Variants in POMT2 observed in about 807,000 individuals in gnomAD.
The protein encoded by POMT2 is protein O-mannosyl-transferase 2.
POMT2 carries 75 observed loss-of-function variants against 100.0 expected under a neutral mutation model. That is an observed-to-expected ratio of 0.75 (90% CI 0.62 to 0.91). The LOEUF (loss-of-function observed/expected upper bound fraction) is 0.91. POMT2 is among the 40% of genes least tolerant of loss of function. The probability of loss-of-function intolerance (pLI) is 0.00; values close to 1 mark genes in which losing one functional copy is unlikely to be tolerated. For missense variants in POMT2, 940 were observed against 955.1 expected (o/e 0.98, Z 0.21); for synonymous variants, 378 against 374.1 (o/e 1.01, Z -0.12).
chr14:77,296,795 C>T, intron 8 of POMT2, among the ~76,000 whole-genome samples: 1 of 152,228 alleles, frequency 6.6e-6, no homozygotes, highest in East Asian at 1.9e-4. Context: ...TCCCCTGCTC[C>T]TATAGGCCCT....
rs886042401 is a variant in POMT2, at chr14:77,291,372, G to GGT, written c.1123_1124dup (p.Tyr376ProfsTer23). 4.0e-6 allele frequency: 5 copies of GGT among 1,253,220 alleles called. No individual in the cohort carries two copies. The highest frequency in any genetic ancestry group is 5.4e-6 in the Non-Finnish European group (5 of 929,320). The allele number at this position is 1,253,220 out of a possible 1,614,324, so 77.6% of individuals were successfully genotyped here. A position where few individuals can be genotyped will look rare whatever the true frequency, so the allele number is the denominator to read the frequency against. On this transcript the variant is annotated frameshift_variant, in exon 10 of 21. Coordinates refer to ENST00000261534, the MANE Select transcript of POMT2 (RefSeq NM_013382.7). LOFTEE classifies it high-confidence loss of function. ...GGTTGTTGTAGTCCTTGTGCAAATAGGTGGTGACCTGGGTGGGGGGTGGGG... is the reference window on the plus strand; with the variant it reads ...GGTTGTTGTAGTCCTTGTGCAAATAGGTGTGGTGACCTGGGTGGGGGGTGGGG...
rs139332043 is a variant in POMT2 at position 77,279,753 on chromosome 14, C to G, written c.1891+70G>C. 4.8e-6 allele frequency: 7 copies of G among 1,470,168 alleles called. No individual in the cohort carries two copies. The South Asian group carries it at 6.0e-5, about 13-fold the overall frequency. 91.1% of individuals were successfully genotyped at this position (1,470,168 alleles called of 1,614,324 possible). ...AAAGGATGGCCCATCAGCAGGCAGC[C>G]GGCCCTCCCCAGGGGTGCAGGTGCC... On this transcript the variant is annotated intron_variant, in intron 18 of 20. Coordinates refer to ENST00000261534, the MANE Select transcript of POMT2 (RefSeq NM_013382.7).
chr14:77,320,363 C>T, intron 1 of POMT2, 71 bp downstream of exon 1: 3 of 1,540,288 alleles, frequency 1.9e-6, no homozygotes, highest in Non-Finnish European at 2.6e-6. Flanking sequence ...CCTCCGTACC[C>T]TCGGGCCAAT....
chr14:77,296,325 G>A (rs1890830229), intron 8 of POMT2, 52 bp from the exon 9 acceptor site: 1 of 1,315,942 alleles, frequency 7.6e-7, no homozygotes, highest in South Asian at 1.3e-5. Flanking sequence ...GCCAGAGGCT[G>A]TCCGTGCCTG....
At chr14:77,278,530 T>C in intron 19 of POMT2, 22 bp from the exon 20 acceptor site, 1 of 1,457,186 alleles carries the variant, frequency 6.9e-7, no homozygotes, top group South Asian at 1.2e-5. Flanking sequence ...GAGAGAAACC[T>C]GGAGTCAGCC....
At chr14:77,285,941 A>G (rs1433754304) in intron 12 of POMT2, among the ~76,000 whole-genome samples, 2 of 152,190 alleles carry the variant, frequency 1.3e-5, no homozygotes, top group Non-Finnish European at 1.5e-5. Flanking sequence ...TTGCCCTTCA[A>G]CCAAACTCAA....
intron 9 of POMT2, 126 bp downstream of exon 9, chr14:77,296,038 G>A: frequency 1.2e-6 from 1 of 805,058 alleles, no homozygotes; most frequent in South Asian, 1.5e-5. Flanking sequence ...GAAAACAGAA[G>A]GGTGCAGGGC....
Position 77,277,315 on chromosome 14 carries a change from T to C in POMT2, c.*61A>G. 1.4e-6 allele frequency: 2 copies of C among 1,425,864 alleles called. No individual in the cohort carries two copies. The highest frequency in any genetic ancestry group is 2.0e-6 in the Non-Finnish European group (2 of 1,012,016). The allele number at this position is 1,425,864 out of a possible 1,614,324, so 88.3% of individuals were successfully genotyped here. ...TCCTCATGGCCGGATGGTCCAGTAC[T>C]GCTTCCCAGCTGGCTCTCCTGGGAA... is the stretch of plus-strand genomic sequence containing the variant. On this transcript the variant is annotated 3_prime_UTR_variant, in exon 21 of 21. Transcript: ENST00000261534.
intron 8 of POMT2, 122 bp downstream of exon 8, chr14:77,298,567 T>C: frequency 1.0e-6 from 1 of 1,002,704 alleles, no homozygotes; most frequent in Non-Finnish European, 1.5e-6. Context: ...TCTATCTGGG[T>C]CTTTCTCCCA....
intron 18 of POMT2, 123 bp downstream of exon 18, chr14:77,279,700 A>C: frequency 1.0e-6 from 1 of 964,332 alleles, no homozygotes; most frequent in South Asian, 1.4e-5. Context: ...AAAGCAAAGG[A>C]TAAGGGAAGG....
At chr14:77,319,855 C>G (rs960215720) in intron 1 of POMT2, among the ~76,000 whole-genome samples, 6 of 152,218 alleles carry the variant, frequency 3.9e-5, no homozygotes, top group African/African-American at 7.2e-5. Context: ...AGTCTGTTTT[C>G]TTGCCTGCTT....
At chr14:77,312,089 T>C in intron 1 of POMT2, 56 bp from the exon 2 acceptor site, 7 of 1,595,056 alleles carry the variant, frequency 4.4e-6, no homozygotes, top group Non-Finnish European at 6.0e-6. Context: ...AAAATCCAAA[T>C]GGCCTTCATA....
Position 77,302,540 on chromosome 14 carries a change from T to A in POMT2, c.656+295A>T, listed in dbSNP as rs371713904. ...ACCCCCCATGATATCCCAAAACCCC[T>A]ACCCAATTGTACTCCATTGTAAACA... On this transcript the variant is annotated intron_variant, in intron 5 of 20. Coordinates refer to ENST00000261534, the MANE Select transcript of POMT2 (RefSeq NM_013382.7). Among the ~76,000 whole-genome samples the A allele has an allele frequency of 1.7e-3, 266 of 152,240 alleles. 1 individual carries two copies. Among genetic ancestry groups the A allele is most frequent in the African/African-American group, 6.2e-3 (256 of 41,550 alleles).
At chr14:77,314,825 T>C (rs909755456) in intron 1 of POMT2, among the ~76,000 whole-genome samples, 2 of 152,138 alleles carry the variant, frequency 1.3e-5, no homozygotes, top group African/African-American at 4.8e-5. Flanking sequence ...CTATATAAGA[T>C]AGAACTTTGA....
rs1181875576 is a variant in POMT2, at chr14:77,276,114, G to A, written c.*1262C>T. Reference sequence around the variant, plus strand: ...AAATATTTTGTCATGCACCAGGAAGGTGGAGGCAGGCTTAAGGGCTGGCCT... The same window carrying A: ...AAATATTTTGTCATGCACCAGGAAGATGGAGGCAGGCTTAAGGGCTGGCCT... On this transcript the variant is annotated 3_prime_UTR_variant, in exon 21 of 21. Transcript: ENST00000261534. The A allele has an allele frequency of 6.6e-6, 1 of 152,600 alleles. No individual in the cohort carries two copies. Among genetic ancestry groups the A allele is most frequent in the South Asian group, 2.1e-4 (1 of 4,834 alleles). The allele number at this position is 152,600 out of a possible 1,614,324, so 9.5% of individuals were successfully genotyped here. A position where few individuals can be genotyped will look rare whatever the true frequency, so the allele number is the denominator to read the frequency against.
intron 9 of POMT2, chr14:77,291,602 A>C (rs1469220372): frequency 3.1e-6 from 2 of 637,188 alleles, no homozygotes; most frequent in Non-Finnish European, 5.4e-6. Context: ...GCTTTGTCCC[A>C]CAAGAGCCTT....
intron 2 of POMT2, among the ~76,000 whole-genome samples, chr14:77,307,250 G>A (rs1325342930): frequency 1.3e-5 from 2 of 152,196 alleles, no homozygotes; most frequent in African/African-American, 2.4e-5. Flanking sequence ...CCTGACCCCC[G>A]AGCTCTGGCA....
intron 7 of POMT2, 141 bp downstream of exon 7, chr14:77,299,314 G>T: frequency 1.3e-6 from 1 of 749,242 alleles, no homozygotes; most frequent in Non-Finnish European, 2.4e-6. Flanking sequence ...ATAGAACATA[G>T]CAGGAAAGAA....
chr14:77,277,321 C>G lies in POMT2; in HGVS notation c.*55G>C. 6.8e-7 allele frequency: 1 copy of G among 1,471,326 alleles called. No individual in the cohort carries two copies. 91.1% of individuals were successfully genotyped at this position (1,471,326 alleles called of 1,614,324 possible). A position where few individuals can be genotyped will look rare whatever the true frequency, so the allele number is the denominator to read the frequency against. ...TGGCCGGATGGTCCAGTACTGCTTC[C>G]CAGCTGGCTCTCCTGGGAAGTTCCT... On this transcript the variant is annotated 3_prime_UTR_variant, in exon 21 of 21. Coordinates refer to ENST00000261534, the MANE Select transcript of POMT2 (RefSeq NM_013382.7).
Sources: gnomAD v4.1 joint callset for allele counts (sites outside exome capture counted in the v4.1 genomes callset) on GRCh38, gnomAD v4.1.1 for gene constraint, MANE v1.5 for transcripts, NCBI Gene and HGNC (gene_info 2026-07-23, HGNC 2026-07-21) for gene names.